SLC6A5: variants seen among roughly 807,000 people sequenced by gnomAD.
SLC6A5 encodes sodium- and chloride-dependent glycine transporter 2.
A neutral mutation model predicts 90.5 loss-of-function variants in SLC6A5; 58 were observed. The observed-to-expected ratio is 0.64, with a 90% CI of 0.52 to 0.80. The LOEUF is 0.80. Ranked by LOEUF, SLC6A5 falls within the 30% of genes least tolerant of loss-of-function variation. The pLI, the probability that SLC6A5 is intolerant of heterozygous loss-of-function variation, is 0.00. For synonymous variants in SLC6A5, 427 were observed against 401.4 expected (o/e 1.06, Z -0.76); for missense variants, 1,015 against 1,017.6 (o/e 1.00, Z 0.03).
intron 14 of SLC6A5, among the ~76,000 whole-genome samples, chr11:20,648,458 T>C (rs189035043): frequency 2.0e-5 from 3 of 152,312 alleles, no homozygotes; most frequent in East Asian, 3.9e-4. Context: ...TCTGTACCTA[T>C]ATTTTAGAGT....
chr11:20,599,623 C>T lies in SLC6A5; in HGVS notation c.-50C>T. Reference sequence around the variant, plus strand: ...CTGCCTGAGCCAAACCCAGTCTTGTCAATAGCGGGTTTCACCCTCCACCAG... The same window carrying T: ...CTGCCTGAGCCAAACCCAGTCTTGTTAATAGCGGGTTTCACCCTCCACCAG... On this transcript the variant is annotated 5_prime_UTR_variant, in exon 1 of 16. Coordinates refer to ENST00000525748, the MANE Select transcript of SLC6A5 (RefSeq NM_004211.5). 2 of 1,613,368 alleles carry T rather than the reference C, an allele frequency of 1.2e-6. No individual in the cohort carries two copies. The highest frequency in any genetic ancestry group is 1.7e-5 in the Admixed American group (1 of 60,028).
At chr11:20,623,467 A>G (rs1316466570) in intron 7 of SLC6A5, among the ~76,000 whole-genome samples, 2 of 152,032 alleles carry the variant, frequency 1.3e-5, no homozygotes, top group Non-Finnish European at 2.9e-5. Context: ...CCCTGGCTGG[A>G]GCCATCCCCA....
At chr11:20,607,884 T>A (rs750195713) in intron 5 of SLC6A5, among the ~76,000 whole-genome samples, 4 of 152,320 alleles carry the variant, frequency 2.6e-5, no homozygotes, top group Middle Eastern at 3.4e-3. Context: ...AAATCTTTGT[T>A]AAAAATGCAG....
At position 20,641,756 on chromosome 11, in the gene SLC6A5, G is replaced by T. The variant is rs187646361; in HGVS notation, c.1969+3198G>T. 3.0e-3 allele frequency among the ~76,000 whole-genome samples: 451 copies of T among 152,186 alleles called. 3 individuals carry two copies. Among genetic ancestry groups the T allele is most frequent in the African/African-American group, 0.011 (437 of 41,532 alleles). ...AAATGTGTGTGAGTATGTCATGTGG[G>T]CTTTTAAGAATGTGGAGAGGGTGGG... On this transcript the variant is annotated intron_variant, in intron 13 of 15. Transcript: ENST00000525748.
At chr11:20,604,576 T>G in intron 3 of SLC6A5, 152 bp downstream of exon 3, 2 of 910,882 alleles carry the variant, frequency 2.2e-6, no homozygotes. Context: ...CTTGAGTGCA[T>G]AACCAGAGGG....
chr11:20,647,020 C>A, intron 14 of SLC6A5, 86 bp downstream of exon 14: 1 of 919,728 alleles, frequency 1.1e-6, no homozygotes. Flanking sequence ...TGCCTGTTTA[C>A]ATTTGAACAG....
chr11:20,599,912 T>C (rs1852425873), intron 1 of SLC6A5, among the ~76,000 whole-genome samples: 1 of 152,084 alleles, frequency 6.6e-6, no homozygotes, highest in Admixed American at 6.5e-5. Context: ...AAAGACCCGA[T>C]CCCGGGCACT....
At chr11:20,650,879 G>T (rs1460038193) in intron 14 of SLC6A5, among the ~76,000 whole-genome samples, 1 of 151,310 alleles carries the variant, frequency 6.6e-6, no homozygotes, top group Non-Finnish European at 1.5e-5. Context: ...TGTTAGCCAG[G>T]ATGGTCTCGA....
chr11:20,601,769 T>G, intron 2 of SLC6A5, 104 bp downstream of exon 2: 1 of 1,247,068 alleles, frequency 8.0e-7, no homozygotes, highest in African/African-American at 1.5e-5. Context: ...GGGAAACCGG[T>G]TGGCAGTGCC....
chr11:20,640,417 G>A lies in SLC6A5; in HGVS notation c.1969+1859G>A, dbSNP rs1156278059. 2.0e-5 allele frequency among the ~76,000 whole-genome samples: 3 copies of A among 152,114 alleles called. No individual in the cohort carries two copies. In the East Asian group the frequency reaches 5.8e-4, roughly 29 times the overall value. On this transcript the variant is annotated intron_variant, in intron 13 of 15. Coordinates refer to ENST00000525748, the MANE Select transcript of SLC6A5 (RefSeq NM_004211.5). ...TCCCCCGCATCCCCATACAAATCTA[G>A]TCATAGGTTTCTTAGTTCTGAAGGA...
intron 7 of SLC6A5, among the ~76,000 whole-genome samples, chr11:20,626,483 C>T (rs925850876): frequency 6.6e-6 from 1 of 152,160 alleles, no homozygotes; most frequent in Non-Finnish European, 1.5e-5. Flanking sequence ...CGACTCACCC[C>T]ACAGCCTTGG....
In SLC6A5 at chr11:20,607,007, G is replaced by T. The variant is rs750202383; in HGVS notation, c.680G>T (p.Gly227Val). 6 of 1,613,934 alleles carry T rather than the reference G, an allele frequency of 3.7e-6. No individual in the cohort carries two copies. The highest frequency in any genetic ancestry group is 5.1e-6 in the Non-Finnish European group (6 of 1,180,026). The change falls in exon 4 of 16, where the codon GGT (glycine) becomes GTT (valine). Residue 227 changes from glycine to valine, a missense_variant and splice_region_variant. This residue lies in a region of SLC6A5 where 567 missense variants were observed against 507.3 expected (regional missense o/e 1.12). Coordinates refer to ENST00000525748, the MANE Select transcript of SLC6A5 (RefSeq NM_004211.5). ...FPYLAFQNGG[G>V]AFLIPYLMML... is the part of the protein sequence containing the mutation. The stretch of plus-strand genomic sequence containing the variant: ...TCTCACTCCCCACTCTCTTTCCAAG[G>T]TGCTTTCCTCATCCCTTACCTGATG...
intron 5 of SLC6A5, among the ~76,000 whole-genome samples, chr11:20,614,475 G>C (rs1302959119): frequency 6.6e-6 from 1 of 152,224 alleles, no homozygotes; most frequent in Non-Finnish European, 1.5e-5. Context: ...TGCAGTTGTG[G>C]GGACTGGGGG....
rs1223543943 is a variant in SLC6A5 at position 20,615,222 on chromosome 11, CT to C, written c.1127+409del. Among the ~76,000 whole-genome samples, 490 of 152,004 alleles carry C rather than the reference CT, an allele frequency of 3.2e-3. 2 individuals are homozygous for C. The highest frequency in any genetic ancestry group is 0.01 in the Middle Eastern group (3 of 290). ...AATAAGAACAAATTCATTTTTTTTC[CT>C]TTTTTTATAGCTTTGCCTTAGTTTT... On this transcript the variant is annotated intron_variant, in intron 6 of 15. Coordinates refer to ENST00000525748, the MANE Select transcript of SLC6A5 (RefSeq NM_004211.5).
chr11:20,648,941 G>A (rs1390763116), intron 14 of SLC6A5, among the ~76,000 whole-genome samples: 1 of 152,112 alleles, frequency 6.6e-6, no homozygotes, highest in Non-Finnish European at 1.5e-5. Context: ...GAGGCTTGGA[G>A]AGGTCAAGGA....
intron 13 of SLC6A5, among the ~76,000 whole-genome samples, chr11:20,639,260 A>C (rs1853268764): frequency 6.6e-6 from 1 of 152,014 alleles, no homozygotes. Context: ...GAGTTCAAGA[A>C]AGTCCTATTT....
At chr11:20,653,099 C>T (rs568298364) in intron 15 of SLC6A5, among the ~76,000 whole-genome samples, 52 of 152,316 alleles carry the variant, frequency 3.4e-4, no homozygotes, top group African/African-American at 1.2e-3. Flanking sequence ...GGGACTGCCT[C>T]TTGTGCCACC....
intron 7 of SLC6A5, among the ~76,000 whole-genome samples, chr11:20,625,499 T>A (rs1246430699): frequency 6.6e-6 from 1 of 152,180 alleles, no homozygotes; most frequent in Non-Finnish European, 1.5e-5. Context: ...TGACCTCAGG[T>A]GATCTGCCCG....
Position 20,601,373 on chromosome 11 carries a change from G to A in SLC6A5, c.248G>A (p.Ser83Asn). Residue 83 changes from serine to asparagine, a missense_variant, in exon 2 of 16, where the codon AGT becomes AAT. By Grantham distance (46) the Ser-to-Asn change is conservative. Around this residue, in one of 3 missense-constraint regions of SLC6A5, gnomAD observed 567 missense variants for 507.3 expected, o/e 1.12. Transcript: ENST00000525748. Reference protein sequence around the residue: ...ERPGVGSCKLSSPRAQAASAA... With the variant: ...ERPGVGSCKLNSPRAQAASAA... ...CCAGGAGTGGGGTCTTGCAAACTCA[G>A]TAGCCCGCGGGCGCAGGCGGCCTCT... is the stretch of plus-strand genomic sequence containing the variant. The A allele has an allele frequency of 6.2e-7, 1 of 1,602,840 alleles. No homozygotes were observed.
Sources: allele counts gnomAD v4.1 joint callset (sites outside exome capture counted in the v4.1 genomes callset), GRCh38; gene constraint gnomAD v4.1.1; regional missense constraint gnomAD v4.1.1; transcripts MANE v1.5; gene names NCBI Gene and HGNC (gene_info 2026-07-23, HGNC 2026-07-21).